CD81: variants seen among roughly 807,000 people sequenced by gnomAD.
CD81 encodes CD81 antigen.
Under a neutral mutation model 30.1 loss-of-function variants are expected in CD81, and 10 were observed. That is an observed-to-expected ratio of 0.33 (90% CI 0.21 to 0.56). The LOEUF is 0.56. CD81 is among the 20% of genes least tolerant of loss of function. The pLI, the probability that CD81 is intolerant of heterozygous loss-of-function variation, is 0.89. For synonymous variants in CD81, 147 were observed against 126.4 expected (o/e 1.16, Z -1.10); for missense variants, 263 against 308.7 (o/e 0.85, Z 1.11).
In CD81 at chr11:2,377,761, G is replaced by T; in HGVS notation, c.66+146G>T. 1 of 310,002 alleles carries T rather than the reference G, an allele frequency of 3.2e-6. No homozygotes were observed. Among genetic ancestry groups the T allele is most frequent in the South Asian group, 5.5e-5 (1 of 18,318 alleles). 19.2% of individuals were successfully genotyped at this position (310,002 alleles called of 1,614,324 possible). A position where few individuals can be genotyped will look rare whatever the true frequency, so the allele number is the denominator to read the frequency against. On this transcript the variant is annotated intron_variant, in intron 1 of 7. Transcript: ENST00000263645. This position sits in a 1 kb window ranked among gnomAD's most constrained non-coding sequence, Gnocchi z 7.7. ...CCTGTGGGCTCCAGGAGCGGGGTGGGGGGTCGCCCGGGGCCACCGCGCCCC... is the reference window on the plus strand; with the variant it reads ...CCTGTGGGCTCCAGGAGCGGGGTGGTGGGTCGCCCGGGGCCACCGCGCCCC...
At chr11:2,376,510 C>T (rs1159588522), upstream of CD81, among the ~76,000 whole-genome samples, 1 of 152,234 alleles carries the variant, frequency 6.6e-6, no homozygotes, top group African/African-American at 2.4e-5. Flanking sequence ...TAGCCCAAAG[C>T]AGTAAGTGCA....
At chr11:2,385,361 G>C (rs1195527201) in intron 1 of CD81, among the ~76,000 whole-genome samples, 2 of 152,136 alleles carry the variant, frequency 1.3e-5, no homozygotes, top group Non-Finnish European at 2.9e-5. Context: ...CCCCGTCCCA[G>C]GGCAACCACG....
intron 1 of CD81, chr11:2,386,405 G>A (rs1310816549): frequency 2.9e-5 from 19 of 647,504 alleles, no homozygotes; most frequent in Non-Finnish European, 5.4e-5. Flanking sequence ...TTGTTATGGG[G>A]CAGGGGCACC....
At chr11:2,387,239 A>AC (rs2133450876) in intron 1 of CD81, among the ~76,000 whole-genome samples, 1 of 152,106 alleles carries the variant, frequency 6.6e-6, no homozygotes, top group East Asian at 1.9e-4. Flanking sequence ...ACACTGAGGA[A>AC]CCGGGAGCCT....
Position 2,377,645 on chromosome 11 carries a change from A to G in CD81, c.66+30A>G, listed in dbSNP as rs745547670. 2.9e-6 allele frequency: 4 copies of G among 1,390,334 alleles called. No homozygotes were observed. In the African/African-American group the frequency reaches 4.5e-5, roughly 16 times the overall value. The allele number at this position is 1,390,334 out of a possible 1,614,324, so 86.1% of individuals were successfully genotyped here. ...GGGCTGCGCCGGGGGCCGGGGCGGG[A>G]GGGGGCAGGCACACACTCCACGTTG... is the stretch of plus-strand genomic sequence containing the variant. On this transcript the variant is annotated intron_variant, in intron 1 of 7. Transcript: ENST00000263645. The surrounding 1 kb of genome is among the most constrained non-coding windows in gnomAD (Gnocchi z 7.7).
Position 2,396,611 on chromosome 11 carries a change from C to T in CD81, c.562-17C>T. 1 of 1,607,656 alleles carries T rather than the reference C, an allele frequency of 6.2e-7. No individual in the cohort carries two copies. The highest frequency in any genetic ancestry group is 8.5e-7 in the Non-Finnish European group (1 of 1,177,964). On this transcript the variant is annotated splice_polypyrimidine_tract_variant and intron_variant, in intron 6 of 7. Coordinates refer to ENST00000263645, the MANE Select transcript of CD81 (RefSeq NM_004356.4). Reference sequence around the variant, plus strand: ...GAGGCCCGGTCCCTGACCACGCGTGCCTGGCCACCCCTGCAGGAGGACTGC... The same window carrying T: ...GAGGCCCGGTCCCTGACCACGCGTGTCTGGCCACCCCTGCAGGAGGACTGC...
chr11:2,386,463 C>T, intron 1 of CD81: 3 of 692,976 alleles, frequency 4.3e-6, no homozygotes, highest in Non-Finnish European at 8.1e-6. Flanking sequence ...TGCCATTGCC[C>T]TCCCTCGTAG....
chr11:2,380,755 C>T (rs1370349444), intron 1 of CD81, among the ~76,000 whole-genome samples: 2 of 152,190 alleles, frequency 1.3e-5, no homozygotes, highest in East Asian at 1.9e-4. Flanking sequence ...GGGAGCCTTG[C>T]CTTCCTCATC....
In CD81 at chr11:2,397,021, CT is replaced by C. The variant is rs1850025208; in HGVS notation, c.*158del. 1.3e-6 allele frequency: 1 copy of C among 752,292 alleles called. No individual in the cohort carries two copies. Among genetic ancestry groups the C allele is most frequent in the South Asian group, 1.6e-5 (1 of 64,184 alleles). The allele number at this position is 752,292 out of a possible 1,614,324, so 46.6% of individuals were successfully genotyped here. ...TTTGGGGTTTTGTTTTTGTTCTGAA[CT>C]TTCCTGTTACCTTTTCAGGGCTGAC... is the stretch of plus-strand genomic sequence containing the variant. On this transcript the variant is annotated 3_prime_UTR_variant, in exon 8 of 8. Coordinates refer to ENST00000263645, the MANE Select transcript of CD81 (RefSeq NM_004356.4).
chr11:2,380,355 C>T (rs1849683194), intron 1 of CD81, among the ~76,000 whole-genome samples: 2 of 151,810 alleles, frequency 1.3e-5, no homozygotes, highest in Admixed American at 1.3e-4. Flanking sequence ...GAGAAGGCAG[C>T]TGGGGTAGCC....
At chr11:2,388,679 G>T (rs1432763982) in intron 1 of CD81, among the ~76,000 whole-genome samples, 1 of 152,228 alleles carries the variant, frequency 6.6e-6, no homozygotes. Context: ...TCAGCTCTGG[G>T]AGCAGCTGCC....
chr11:2,389,711 C>T (rs800335), intron 1 of CD81, among the ~76,000 whole-genome samples: 93,813 of 150,280 alleles, frequency 0.62, 32,380 homozygotes, highest in Non-Finnish European at 0.8. Flanking sequence ...ACCACAGCAG[C>T]GTCCTTCCTC....
chr11:2,385,990 A>G, intron 1 of CD81: 1 of 707,566 alleles, frequency 1.4e-6, no homozygotes, highest in Admixed American at 2.0e-5. Flanking sequence ...ATAACTGCCA[A>G]ACTGTTATTC....
rs1417603458 is a variant in CD81 at position 2,396,870 on chromosome 11, C to A, written c.*4C>A. On this transcript the variant is annotated 3_prime_UTR_variant, in exon 8 of 8. Transcript: ENST00000263645. ...CCGGAACAGCTCCGTGTACTGAGGC[C>A]CCGCAGCTCTGGCCACAGGGACCTC... The A allele has an allele frequency of 6.2e-7, 1 of 1,612,522 alleles. No homozygotes were observed. Among genetic ancestry groups the A allele is most frequent in the Non-Finnish European group, 8.5e-7 (1 of 1,179,950 alleles).
chr11:2,383,021 A>C (rs777242070), intron 1 of CD81, among the ~76,000 whole-genome samples: 1 of 152,174 alleles, frequency 6.6e-6, no homozygotes, highest in Non-Finnish European at 1.5e-5. Context: ...GGGAGACACC[A>C]GCATCCTCTG....
chr11:2,376,417 G>T (rs1440905222), upstream of CD81: 1 of 152,258 alleles, frequency 6.6e-6, no homozygotes, highest in East Asian at 1.9e-4. Flanking sequence ...GAGGGCATGG[G>T]AAACCTTCGT....
Position 2,377,485 on chromosome 11 carries a change from G to A in CD81, c.-65G>A. 4.2e-6 allele frequency: 3 copies of A among 716,460 alleles called. No individual in the cohort carries two copies. The highest frequency in any genetic ancestry group is 5.1e-6 in the Non-Finnish European group (3 of 588,404). 44.4% of individuals were successfully genotyped at this position (716,460 alleles called of 1,614,324 possible). A position where few individuals can be genotyped will look rare whatever the true frequency, so the allele number is the denominator to read the frequency against. ...CCTTGCCGGCCACCCGCCAGGCCCC[G>A]CGCCGGCCCGCCCGCCGCCCAGGAC... On this transcript the variant is annotated 5_prime_UTR_variant, in exon 1 of 8. Transcript: ENST00000263645. This position sits in a 1 kb window ranked among gnomAD's most constrained non-coding sequence, Gnocchi z 7.7.
chr11:2,381,808 T>C (rs1849710704), intron 1 of CD81, among the ~76,000 whole-genome samples: 1 of 152,198 alleles, frequency 6.6e-6, no homozygotes, highest in East Asian at 1.9e-4. Context: ...CCAGCACCCC[T>C]CTGGGCAAGA....
At position 2,396,901 on chromosome 11, in the gene CD81, T is replaced by C. The variant is rs1241766781; in HGVS notation, c.*35T>C. 6.2e-7 allele frequency: 1 copy of C among 1,604,436 alleles called. No homozygotes were observed. The highest frequency in any genetic ancestry group is 8.5e-7 in the Non-Finnish European group (1 of 1,173,618). On this transcript the variant is annotated 3_prime_UTR_variant, in exon 8 of 8. Transcript: ENST00000263645. ...GCTCTGGCCACAGGGACCTCTGCAG[T>C]GCCCCCTAAGTGACCCGGACACTTC... is the stretch of plus-strand genomic sequence containing the variant.
Sources: gnomAD v4.1 joint callset for allele counts (sites outside exome capture counted in the v4.1 genomes callset) on GRCh38, gnomAD v4.1.1 for gene constraint, Gnocchi (gnomAD v3.1) non-coding constraint, MANE v1.5 for transcripts, NCBI Gene and HGNC (gene_info 2026-07-23, HGNC 2026-07-21) for gene names.